KSR2: variants seen among roughly 807,000 people sequenced by gnomAD.
KSR2 encodes the protein kinase suppressor of ras 2.
KSR2 carries 25 observed loss-of-function variants against 107.8 expected under a neutral mutation model. The ratio of observed to expected loss-of-function variants is 0.23; its 90% CI spans 0.17 to 0.32. KSR2 has a LOEUF of 0.32. Ranked by LOEUF, KSR2 falls within the 10% of genes least tolerant of loss-of-function variation. The pLI is 1.00. For synonymous variants in KSR2, 480 were observed against 507.0 expected (o/e 0.95, Z 0.71); for missense variants, 887 against 1,268.9 (o/e 0.70, Z 4.57).
rs538643267 is a variant in KSR2 at position 117,488,757 on chromosome 12, C to T, written c.2220-3066G>A. Among the ~76,000 whole-genome samples, 11 of 149,638 alleles carry T rather than the reference C, an allele frequency of 7.4e-5. No homozygotes were observed. In the East Asian group the frequency reaches 7.9e-4, roughly 11 times the overall value. ...TGTCATCCAGGCTGGAGTGCAGTGG[C>T]GCAATGTTGGCTCACTGCAACCTCT... is the stretch of plus-strand genomic sequence containing the variant. On this transcript the variant is annotated intron_variant, in intron 14 of 19. Coordinates refer to ENST00000339824, the MANE Select transcript of KSR2 (RefSeq NM_173598.6).
chr12:117,467,054 G>T lies in KSR2; in HGVS notation c.*145C>A. 2.0e-6 allele frequency: 1 copy of T among 499,900 alleles called. No homozygotes were observed. Among genetic ancestry groups the T allele is most frequent in the South Asian group, 3.5e-5 (1 of 28,954 alleles). 31.0% of individuals were successfully genotyped at this position (499,900 alleles called of 1,614,324 possible). ...AAGTCTGAGGTGCAGGGAGGCCGCC[G>T]AGCAGTTGTCCAGTGCTCCCAGGTC... On this transcript the variant is annotated 3_prime_UTR_variant, in exon 20 of 20. Coordinates refer to ENST00000339824, the MANE Select transcript of KSR2 (RefSeq NM_173598.6).
intron 14 of KSR2, among the ~76,000 whole-genome samples, chr12:117,516,666 G>C (rs942048008): frequency 6.6e-6 from 1 of 152,126 alleles, no homozygotes; most frequent in Non-Finnish European, 1.5e-5. Flanking sequence ...AGAGATAAAT[G>C]TTATCCCCAT....
chr12:117,539,752 A>C lies in KSR2; in HGVS notation c.1654T>G (p.Cys552Gly), dbSNP rs781719417. 2 of 1,606,808 alleles carry C rather than the reference A, an allele frequency of 1.2e-6. No individual in the cohort carries two copies. Among genetic ancestry groups the C allele is most frequent in the South Asian group, 2.2e-5 (2 of 90,484 alleles). ...TTGAAGTTCTTCTGCTGCCGTGTGC[A>C]CTGTGGGGAAGGGTGTAGGGGAGAA... is the stretch of plus-strand genomic sequence containing the variant. ...PPSPLHPSPQ[C>G]TRQQKNFNLP... Residue 552 changes from cysteine to glycine, a missense_variant, in exon 10 of 20, where the codon TGC becomes GGC. Cys to Gly is a radical substitution (Grantham distance 159, BLOSUM62 -3). This residue lies in a region of KSR2 where 50 missense variants were observed against 43.4 expected (regional missense o/e 1.15). Coordinates refer to ENST00000339824, the MANE Select transcript of KSR2 (RefSeq NM_173598.6).
chr12:117,830,009 TGTA>T (rs1891899450), intron 3 of KSR2, among the ~76,000 whole-genome samples: 1 of 152,220 alleles, frequency 6.6e-6, no homozygotes, highest in African/African-American at 2.4e-5. Flanking sequence ...GGCTCACGTC[TGTA>T]ATCCCAGCAC....
At position 117,866,913 on chromosome 12, in the gene KSR2, C is replaced by G. The variant is rs948940284; in HGVS notation, c.181-6482G>C. Among the ~76,000 whole-genome samples the G allele has an allele frequency of 3.3e-5, 5 of 152,094 alleles. No individual in the cohort carries two copies. The South Asian group carries it at 1.0e-3, about 32-fold the overall frequency. On this transcript the variant is annotated intron_variant, in intron 1 of 19. Coordinates refer to ENST00000339824, the MANE Select transcript of KSR2 (RefSeq NM_173598.6). The stretch of plus-strand genomic sequence containing the variant: ...GTATGATGGTGGTATCAAACTGATG[C>G]ATTTGGAGAAACACTGTCCTACAAA...
intron 14 of KSR2, among the ~76,000 whole-genome samples, chr12:117,508,945 G>A (rs886212316): frequency 2.6e-5 from 4 of 151,868 alleles, no homozygotes; most frequent in African/African-American, 7.2e-5. Flanking sequence ...TGGGATGGAT[G>A]AGTGGATGGA....
chr12:117,842,717 T>TG lies in KSR2; in HGVS notation c.472+12710dup, dbSNP rs35262034. On this transcript the variant is annotated intron_variant, in intron 3 of 19. Coordinates refer to ENST00000339824, the MANE Select transcript of KSR2 (RefSeq NM_173598.6). This position sits in a 1 kb window ranked among gnomAD's most constrained non-coding sequence, Gnocchi z 4.2. Reference sequence around the variant, plus strand: ...AGAGTCGGGTTCTCTTTGTTCTCATTGGGGGGGTTCCACAAAAGCCAGATG... The same window carrying TG: ...AGAGTCGGGTTCTCTTTGTTCTCATTGGGGGGGGTTCCACAAAAGCCAGATG... 3.0e-4 allele frequency among the ~76,000 whole-genome samples: 45 copies of TG among 151,958 alleles called. No individual in the cohort carries two copies. Among genetic ancestry groups the TG allele is most frequent in the African/African-American group, 8.7e-4 (36 of 41,430 alleles).
At chr12:117,544,893 GTCCTAGCTTGT>G (rs965140049) in intron 9 of KSR2, among the ~76,000 whole-genome samples, 1 of 152,148 alleles carries the variant, frequency 6.6e-6, no homozygotes, top group African/African-American at 2.4e-5. Context: ...GAGAGTGGAT[GTCCTAGCTTGT>G]TCCTAGCTGT....
In KSR2 at chr12:117,584,720, C is replaced by A. The variant is rs1336378033; in HGVS notation, c.1172-2361G>T. Among the ~76,000 whole-genome samples, 10 of 152,246 alleles carry A rather than the reference C, an allele frequency of 6.6e-5. 1 individual carries two copies. The highest frequency in any genetic ancestry group is 1.2e-4 in the Non-Finnish European group (8 of 68,020). Reference sequence around the variant, plus strand: ...AGTACTTAATACATGTTTGCTGAATCCAAGATTATTATAATAGAAACATCA... The same window carrying A: ...AGTACTTAATACATGTTTGCTGAATACAAGATTATTATAATAGAAACATCA... On this transcript the variant is annotated intron_variant, in intron 5 of 19. Coordinates refer to ENST00000339824, the MANE Select transcript of KSR2 (RefSeq NM_173598.6).
At chr12:117,941,089 AAATAAT>A (rs943024602) in intron 1 of KSR2, among the ~76,000 whole-genome samples, 33 of 152,146 alleles carry the variant, frequency 2.2e-4, no homozygotes, top group African/African-American at 6.3e-4. Flanking sequence ...TGTCTCAAAA[AAATAAT>A]AATAATAATA....
intron 1 of KSR2, among the ~76,000 whole-genome samples, chr12:117,868,490 T>C (rs1893549593): frequency 1.3e-5 from 2 of 151,954 alleles, no homozygotes; most frequent in Admixed American, 1.3e-4. Flanking sequence ...ACTTCCCCCA[T>C]GTGCCAGGCC....
chr12:117,821,614 C>A (rs1420143043), intron 3 of KSR2, among the ~76,000 whole-genome samples: 1 of 152,178 alleles, frequency 6.6e-6, no homozygotes, highest in East Asian at 1.9e-4. Flanking sequence ...GGATTTTCAA[C>A]TGTGTGAGGA....
chr12:117,961,419 T>G (rs547651313), intron 1 of KSR2, among the ~76,000 whole-genome samples: 39 of 152,258 alleles, frequency 2.6e-4, no homozygotes, highest in African/African-American at 8.2e-4. Flanking sequence ...ATACACTAAC[T>G]TTGCAGCTTC....
At chr12:117,761,946 A>G (rs1276926893) in intron 3 of KSR2, among the ~76,000 whole-genome samples, 7 of 152,208 alleles carry the variant, frequency 4.6e-5, no homozygotes, top group African/African-American at 1.7e-4. Flanking sequence ...CAGACATTCT[A>G]TCAAATGCAT....
intron 3 of KSR2, among the ~76,000 whole-genome samples, chr12:117,838,052 C>G (rs1393867660): frequency 6.6e-6 from 1 of 152,182 alleles, no homozygotes; most frequent in Non-Finnish European, 1.5e-5. Context: ...GAGTACTATC[C>G]AGACAGCATC....
chr12:117,570,974 C>G (rs1214030481), intron 7 of KSR2, among the ~76,000 whole-genome samples: 1 of 152,014 alleles, frequency 6.6e-6, no homozygotes, highest in Non-Finnish European at 1.5e-5. Flanking sequence ...GAAACCTATT[C>G]CAGCCAGGCA....
At chr12:117,616,679 C>T (rs1454212825) in intron 5 of KSR2, among the ~76,000 whole-genome samples, 1 of 152,206 alleles carries the variant, frequency 6.6e-6, no homozygotes, top group African/African-American at 2.4e-5. Flanking sequence ...GAGGTCTTTA[C>T]TGAGACTGTA....
chr12:117,471,395 C>T, intron 17 of KSR2, 75 bp from the exon 18 acceptor site: 5 of 1,482,926 alleles, frequency 3.4e-6, no homozygotes, highest in East Asian at 4.9e-5. Flanking sequence ...TATTAGCACA[C>T]ACCCACCCAG....
chr12:117,935,938 C>T (rs1265686772), intron 1 of KSR2, among the ~76,000 whole-genome samples: 1 of 152,132 alleles, frequency 6.6e-6, no homozygotes, highest in Non-Finnish European at 1.5e-5. Context: ...TAAGTCTTTG[C>T]TCAAATGTCA....
Sources: gnomAD v4.1 joint callset for allele counts (sites outside exome capture counted in the v4.1 genomes callset) on GRCh38, gnomAD v4.1.1 for gene constraint, gnomAD v4.1.1 regional missense constraint, Gnocchi (gnomAD v3.1) non-coding constraint, MANE v1.5 for transcripts, NCBI Gene and HGNC (gene_info 2026-07-23, HGNC 2026-07-21) for gene names.